NAA60: variants seen among roughly 807,000 people sequenced by gnomAD.
The protein encoded by NAA60 is N-alpha-acetyltransferase 60, NatF catalytic subunit.
In NAA60, 8 loss-of-function variants were observed where a neutral mutation model predicts 26.1. That is an observed-to-expected ratio of 0.31 (90% confidence interval 0.18 to 0.55). NAA60 has a LOEUF of 0.55. Among genes scored for constraint, NAA60 ranks in the 20% least tolerant of loss-of-function variants. The pLI is 0.93. For synonymous variants in NAA60, 131 were observed against 122.5 expected (o/e 1.07, Z -0.46); for missense variants, 290 against 311.3 (o/e 0.93, Z 0.51).
intron 1 of NAA60, 32 bp downstream of exon 1, chr16:3,443,869 G>A: frequency 1.9e-5 from 29 of 1,524,988 alleles, no homozygotes; most frequent in Non-Finnish European, 2.4e-5. Context: ...CTGTAGGCCT[G>A]AAATTTCGGT....
intron 2 of NAA60, among the ~76,000 whole-genome samples, chr16:3,461,978 T>C (rs1405335088): frequency 6.6e-6 from 1 of 150,904 alleles, no homozygotes; most frequent in Non-Finnish European, 1.5e-5. Context: ...TCCCAGCTAC[T>C]TGGGAAACTG....
chr16:3,474,773 G>A (rs76393597), intron 2 of NAA60, among the ~76,000 whole-genome samples: 3 of 152,194 alleles, frequency 2.0e-5, no homozygotes, highest in Non-Finnish European at 4.4e-5. Flanking sequence ...GTTTGACTCC[G>A]TCATTTCTGT....
intron 2 of NAA60, among the ~76,000 whole-genome samples, chr16:3,450,422 T>G (rs907247310): frequency 3.9e-5 from 6 of 152,122 alleles, no homozygotes; most frequent in African/African-American, 1.2e-4. Context: ...GTGCTCCTGC[T>G]GGGCGCAGTG....
chr16:3,450,964 G>C (rs2034761751), intron 2 of NAA60, among the ~76,000 whole-genome samples: 1 of 152,222 alleles, frequency 6.6e-6, no homozygotes, highest in African/African-American at 2.4e-5. Flanking sequence ...TAAGTTAGAA[G>C]TCAATTAGAA....
At chr16:3,474,441 G>C (rs887501605) in intron 2 of NAA60, among the ~76,000 whole-genome samples, 10 of 152,228 alleles carry the variant, frequency 6.6e-5, no homozygotes, top group Non-Finnish European at 1.5e-5. Flanking sequence ...CCGCAGAGAA[G>C]GCTCCAGGAA....
At chr16:3,454,159 C>T (rs1416118936) in intron 2 of NAA60, among the ~76,000 whole-genome samples, 1 of 152,072 alleles carries the variant, frequency 6.6e-6, no homozygotes, top group Non-Finnish European at 1.5e-5. Flanking sequence ...GCTTGTTGCT[C>T]TACCTGGGCC....
intron 2 of NAA60, among the ~76,000 whole-genome samples, chr16:3,474,296 G>A (rs922768746): frequency 7.9e-5 from 12 of 152,220 alleles, no homozygotes; most frequent in Admixed American, 2.0e-4. Flanking sequence ...ACTGAGCCAA[G>A]TATCAGCTAG....
At chr16:3,483,105 G>C (rs145051598) in intron 5 of NAA60, among the ~76,000 whole-genome samples, 1 of 152,336 alleles carries the variant, frequency 6.6e-6, no homozygotes, top group East Asian at 1.9e-4. Context: ...TTGTCTGAAA[G>C]GGAGTCTCCA....
At chr16:3,473,724 TGTTG>T (rs777176433) in intron 2 of NAA60, among the ~76,000 whole-genome samples, 30 of 150,274 alleles carry the variant, frequency 2.0e-4, no homozygotes, top group Non-Finnish European at 3.2e-4. Flanking sequence ...TTGTTGTTGT[TGTTG>T]TTGTTGTTGT....
chr16:3,464,699 C>G (rs1383680229), intron 2 of NAA60, among the ~76,000 whole-genome samples: 1 of 152,188 alleles, frequency 6.6e-6, no homozygotes, highest in Admixed American at 6.5e-5. Context: ...TGCCCCCAAA[C>G]CTGGTATTAT....
At chr16:3,482,085 G>T (rs976367250) in intron 4 of NAA60, among the ~76,000 whole-genome samples, 1 of 152,148 alleles carries the variant, frequency 6.6e-6, no homozygotes, top group African/African-American at 2.4e-5. Flanking sequence ...TTCTTTAACT[G>T]AACCTCTAAA....
chr16:3,475,900 A>T (rs2036449331), intron 2 of NAA60, among the ~76,000 whole-genome samples: 2 of 152,338 alleles, frequency 1.3e-5, no homozygotes, highest in African/African-American at 4.8e-5. Context: ...CGGAAGGACC[A>T]CTGTCATAAG....
intron 3 of NAA60, among the ~76,000 whole-genome samples, chr16:3,479,047 C>G (rs1376455646): frequency 3.3e-5 from 5 of 152,020 alleles, no homozygotes; most frequent in African/African-American, 1.2e-4. Flanking sequence ...ACCAGCCTGA[C>G]CAACATGGAG....
chr16:3,450,149 A>C (rs1034139246), intron 2 of NAA60: 1 of 369,616 alleles, frequency 2.7e-6, no homozygotes, highest in East Asian at 3.8e-5. Flanking sequence ...ACATTAATAA[A>C]CCCTTCAGAA....
At chr16:3,451,107 T>C (rs1180371598) in intron 2 of NAA60, among the ~76,000 whole-genome samples, 1 of 152,226 alleles carries the variant, frequency 6.6e-6, no homozygotes, top group African/African-American at 2.4e-5. Flanking sequence ...GCTTATCAGA[T>C]TGTCTTGTAA....
intron 1 of NAA60, among the ~76,000 whole-genome samples, chr16:3,446,269 C>T (rs981772750): frequency 6.6e-6 from 1 of 152,260 alleles, no homozygotes; most frequent in East Asian, 1.9e-4. Flanking sequence ...CGGTGGCTCA[C>T]GCCTGTAATC....
At chr16:3,479,677 C>A in intron 4 of NAA60, 77 bp downstream of exon 4, 2 of 1,532,090 alleles carry the variant, frequency 1.3e-6, no homozygotes, top group Non-Finnish European at 1.8e-6. Context: ...TGGAATCATG[C>A]TGCCTGCTCC....
chr16:3,478,056 C>A (rs2036592523), intron 3 of NAA60, among the ~76,000 whole-genome samples: 1 of 113,472 alleles, frequency 8.8e-6, no homozygotes. Flanking sequence ...CAGTGAGACT[C>A]TGTCTCAAAA....
chr16:3,457,970 G>C (rs1196928239), intron 2 of NAA60: 1 of 985,126 alleles, frequency 1.0e-6, no homozygotes, highest in East Asian at 1.1e-4. Flanking sequence ...GCGGGGCCAC[G>C]TGGGGGCGGC....
Sources: gnomAD v4.1 joint callset for allele counts (sites outside exome capture counted in the v4.1 genomes callset) on GRCh38, gnomAD v4.1.1 for gene constraint, MANE v1.5 for transcripts, NCBI Gene and HGNC (gene_info 2026-07-23, HGNC 2026-07-21) for gene names.